PCNX2: variants seen among roughly 807,000 people sequenced by gnomAD.
The protein encoded by PCNX2 is pecanex 2.
In PCNX2, 168 loss-of-function variants were observed where a neutral mutation model predicts 223.8. The ratio of observed to expected loss-of-function variants is 0.75; its 90% CI spans 0.66 to 0.85. The LOEUF (loss-of-function observed/expected upper bound fraction) is 0.85, where lower values mean the gene tolerates loss of function less well. PCNX2 is among the 40% of genes least tolerant of loss of function. The pLI is 0.00. For synonymous variants in PCNX2, 1,006 were observed against 1,052.6 expected, an observed-to-expected ratio of 0.96 and a Z score of 0.86; for missense variants, 2,507 against 2,675.5, an observed-to-expected ratio of 0.94 and a Z score of 1.39.
the PCNX2 span, among the ~76,000 whole-genome samples, chr1:233,306,080 G>A: frequency 6.6e-6 from 1 of 152,184 alleles, no homozygotes; most frequent in South Asian, 2.1e-4. Flanking sequence ...GAGAGTTAGA[G>A]TGTTTTGTGG....
At chr1:233,194,534 G>A (rs1445902745) in intron 15 of PCNX2, among the ~76,000 whole-genome samples, 1 of 151,956 alleles carries the variant, frequency 6.6e-6, no homozygotes, top group Admixed American at 6.6e-5. Flanking sequence ...TGAGATAATT[G>A]ACCACTTAGA....
chr1:233,218,627 A>C (rs1268572724), intron 10 of PCNX2, among the ~76,000 whole-genome samples: 1 of 152,168 alleles, frequency 6.6e-6, no homozygotes, highest in African/African-American at 2.4e-5. Flanking sequence ...TACCTTAAGC[A>C]AGACTTTATT....
chr1:233,146,316 A>AT (rs1677443820), intron 19 of PCNX2, among the ~76,000 whole-genome samples: 2 of 152,124 alleles, frequency 1.3e-5, no homozygotes, highest in Non-Finnish European at 2.9e-5. Context: ...TTACCTTATC[A>AT]TTTTTAGTGG....
At position 233,208,608 on chromosome 1, in the gene PCNX2, C is replaced by T. The variant is rs1295898218; in HGVS notation, c.2773G>A (p.Ala925Thr). The change falls in exon 13 of 34, where the codon GCC becomes ACC. Residue 925 changes from alanine (A) to threonine (T), a missense_variant. Ala to Thr is a moderately conservative substitution (Grantham distance 58, BLOSUM62 0). Coordinates refer to ENST00000258229, the MANE Select transcript of PCNX2 (RefSeq NM_014801.4). ...TAACTGGGAGGGTGCCTGGCTTTGG[C>T]CCCTGTATCAAGAAGCAAAATAAGG... is the stretch of plus-strand genomic sequence containing the variant. ...CGLILLLDTG[A>T]KARHPPSYVV... 3.7e-6 allele frequency: 6 copies of T among 1,613,448 alleles called. No homozygotes were observed. The highest frequency in any genetic ancestry group is 3.3e-5 in the South Asian group (3 of 91,074).
intron 15 of PCNX2, among the ~76,000 whole-genome samples, chr1:233,195,337 G>A (rs2102885776): frequency 6.6e-6 from 1 of 152,240 alleles, no homozygotes; most frequent in East Asian, 1.9e-4. Context: ...AGGGCATCTG[G>A]AAAATTTCCA....
chr1:233,326,893 G>C, the PCNX2 span, among the ~76,000 whole-genome samples: 2 of 152,124 alleles, frequency 1.3e-5, no homozygotes, highest in African/African-American at 2.4e-5. Flanking sequence ...AGGGAGACTG[G>C]GGCATTTTCC....
intron 19 of PCNX2, among the ~76,000 whole-genome samples, chr1:233,150,463 G>T (rs768185336): frequency 6.6e-6 from 1 of 152,174 alleles, no homozygotes; most frequent in Non-Finnish European, 1.5e-5. Context: ...GAAGAGCAAC[G>T]TGAGAGAATC....
At chr1:233,156,946 G>A (rs549763654) in intron 19 of PCNX2, among the ~76,000 whole-genome samples, 86 of 151,906 alleles carry the variant, frequency 5.7e-4, no homozygotes, top group Admixed American at 2.6e-3. Flanking sequence ...AACAAAAAAC[G>A]CAGAGACTTG....
chr1:233,134,924 A>T, intron 21 of PCNX2, 89 bp downstream of exon 21: 1 of 1,145,488 alleles, frequency 8.7e-7, no homozygotes, highest in Admixed American at 2.3e-5. Context: ...AATTTTTTTT[A>T]TAAAGAATAA....
chr1:233,097,245 T>A (rs1009787056), intron 21 of PCNX2, among the ~76,000 whole-genome samples: 1 of 151,392 alleles, frequency 6.6e-6, no homozygotes, highest in African/African-American at 2.4e-5. Context: ...AGCTGAAGAA[T>A]TTTAGATAGA....
At chr1:233,098,409 A>C (rs1004437904) in intron 21 of PCNX2, among the ~76,000 whole-genome samples, 1 of 152,194 alleles carries the variant, frequency 6.6e-6, no homozygotes, top group African/African-American at 2.4e-5. Flanking sequence ...CATAAGAAAA[A>C]CCAGTAATCA....
intron 15 of PCNX2, among the ~76,000 whole-genome samples, chr1:233,196,718 C>T (rs904542003): frequency 6.6e-6 from 1 of 152,020 alleles, no homozygotes; most frequent in African/African-American, 2.4e-5. Context: ...TCAGCAAGAA[C>T]CTAGAACACT....
chr1:233,238,090 C>T (rs1185827510), intron 8 of PCNX2, among the ~76,000 whole-genome samples: 1 of 152,158 alleles, frequency 6.6e-6, no homozygotes, highest in African/African-American at 2.4e-5. Context: ...TTTTTGATGA[C>T]AGCATTAAAC....
At chr1:233,072,644 T>G (rs892694094) in intron 23 of PCNX2, among the ~76,000 whole-genome samples, 1 of 152,246 alleles carries the variant, frequency 6.6e-6, no homozygotes, top group Non-Finnish European at 1.5e-5. Flanking sequence ...TCTGGATCAA[T>G]TGAAATGGTC....
chr1:233,079,291 G>A (rs1472669412), intron 23 of PCNX2, among the ~76,000 whole-genome samples: 2 of 152,054 alleles, frequency 1.3e-5, no homozygotes, highest in Non-Finnish European at 2.9e-5. Context: ...TTGGGAGGCC[G>A]AGGCGAGCAG....
chr1:233,159,978 T>C (rs893859069), intron 19 of PCNX2, among the ~76,000 whole-genome samples: 3 of 152,222 alleles, frequency 2.0e-5, no homozygotes, highest in Non-Finnish European at 4.4e-5. Flanking sequence ...CTGTGAATGA[T>C]ATAATTTTTC....
At chr1:233,144,631 T>C (rs2102786908) in intron 19 of PCNX2, among the ~76,000 whole-genome samples, 1 of 152,366 alleles carries the variant, frequency 6.6e-6, no homozygotes. Context: ...TAATGACTCA[T>C]GCAGACGAGT....
At chr1:233,159,237 A>C (rs952202062) in intron 19 of PCNX2, among the ~76,000 whole-genome samples, 1 of 152,126 alleles carries the variant, frequency 6.6e-6, no homozygotes, top group African/African-American at 2.4e-5. Flanking sequence ...TTTCTAACTA[A>C]GGCGGCTCCT....
chr1:233,194,773 T>C (rs1401725464), intron 15 of PCNX2, among the ~76,000 whole-genome samples: 1 of 151,990 alleles, frequency 6.6e-6, no homozygotes, highest in Non-Finnish European at 1.5e-5. Flanking sequence ...TCCCAGCACT[T>C]TGGGAGGCCG....
Sources: gnomAD v4.1 joint callset for allele counts (sites outside exome capture counted in the v4.1 genomes callset) on GRCh38, gnomAD v4.1.1 for gene constraint, MANE v1.5 for transcripts, NCBI Gene and HGNC (gene_info 2026-07-23, HGNC 2026-07-21) for gene names.